The following SLC18A3 variants were observed in gnomAD, a reference collection of about 807,000 sequenced individuals.
The protein encoded by SLC18A3 is solute carrier family 18 member A3.
SLC18A3 carries 18 observed loss-of-function variants against 24.2 expected under a neutral mutation model. The observed-to-expected ratio is 0.74, with a 90% CI of 0.51 to 1.10. SLC18A3 has a LOEUF of 1.10. SLC18A3 is among the 50% of genes least tolerant of loss of function. The pLI, the probability that SLC18A3 is intolerant of heterozygous loss-of-function variation, is 0.00. For missense variants in SLC18A3, 744 were observed against 750.7 expected, an observed-to-expected ratio of 0.99 and a Z score of 0.10; for synonymous variants, 415 against 355.4, an observed-to-expected ratio of 1.17 and a Z score of -1.89.
rs755315988 is a variant in SLC18A3 at position 49,612,147 on chromosome 10, C to T, written c.1407C>T (p.Leu469=). ...TCTATGCTCCCGTCTTGCTGCTGCT[C>T]CGCAACGTGGGCCTCCTGACGCGCT... ...NLLYAPVLLL[L]RNVGLLTRSR... Residue 469 remains leucine, a synonymous_variant, in exon 1 of 1, where the codon CTC becomes CTT. Transcript: ENST00000374115. The T allele has an allele frequency of 6.2e-7, 1 of 1,611,730 alleles. No homozygotes were observed.
Position 49,610,427 on chromosome 10 carries a change from G to A in SLC18A3, c.-314G>A, listed in dbSNP as rs577399567. ...GCGGCCTCTTAGCGCGGCGGGGGCT[G>A]CTCTGGGCGCGCCCCGGGCGAAGTG... is the stretch of plus-strand genomic sequence containing the variant. On this transcript the variant is annotated 5_prime_UTR_variant, in exon 1 of 1. Coordinates refer to ENST00000374115, the MANE Select transcript of SLC18A3 (RefSeq NM_003055.3). 1,404 of 322,294 alleles carry A rather than the reference G, an allele frequency of 4.4e-3. 13 individuals carry two copies. Among genetic ancestry groups the A allele is most frequent in the African/African-American group, 0.027 (1,268 of 46,618 alleles). 20.0% of individuals were successfully genotyped at this position (322,294 alleles called of 1,614,324 possible).
chr10:49,610,611 A>G lies in SLC18A3; in HGVS notation c.-130A>G. 3 of 890,052 alleles carry G rather than the reference A, an allele frequency of 3.4e-6. No homozygotes were observed. The highest frequency in any genetic ancestry group is 4.8e-6 in the Non-Finnish European group (3 of 631,460). The allele number at this position is 890,052 out of a possible 1,614,324, so 55.1% of individuals were successfully genotyped here. ...ACGCTGGGCCATGAGCTCCGCGGCC[A>G]CCTGAGGCACAGGGGAGTCTGCTCG... On this transcript the variant is annotated 5_prime_UTR_variant, in exon 1 of 1. Coordinates refer to ENST00000374115, the MANE Select transcript of SLC18A3 (RefSeq NM_003055.3).
chr10:49,612,428 A>C lies in SLC18A3; in HGVS notation c.*89A>C, dbSNP rs936164912. The C allele has an allele frequency of 1.3e-5, 17 of 1,323,936 alleles. No homozygotes were observed. The highest frequency in any genetic ancestry group is 7.1e-5 in the East Asian group (3 of 42,242). 82.0% of individuals were successfully genotyped at this position (1,323,936 alleles called of 1,614,324 possible). The stretch of plus-strand genomic sequence containing the variant: ...ACTGGCCAGCTCTGGCTCAGGGCCC[A>C]CCTCCTCCAGCGAGTACCCCAGCCA... On this transcript the variant is annotated 3_prime_UTR_variant, in exon 1 of 1. Transcript: ENST00000374115.
Position 49,610,936 on chromosome 10 carries a change from G to A in SLC18A3, c.196G>A (p.Gly66Arg), listed in dbSNP as rs746944100. Residue 66 changes from glycine to arginine, a missense_variant, in exon 1 of 1, where the codon GGG becomes AGG. Around this residue, in one of 3 missense-constraint regions of SLC18A3, gnomAD observed 566 missense variants for 566.2 expected, o/e 1.00. Transcript: ENST00000374115. The stretch of plus-strand genomic sequence containing the variant: ...GCCCGACTACATCGCCCACATGCGC[G>A]GGGGCGGCGAGGGCCCCACCCGGAC... Reference protein sequence around the residue: ...IVPDYIAHMRGGGEGPTRTPE... With the variant: ...IVPDYIAHMRRGGEGPTRTPE... The A allele has an allele frequency of 1.1e-5, 17 of 1,610,418 alleles. No homozygotes were observed. Among genetic ancestry groups the A allele is most frequent in the East Asian group, 2.2e-5 (1 of 44,744 alleles).
rs1255465059 is a variant in SLC18A3, at chr10:49,610,581, C to T, written c.-160C>T. 2 of 633,306 alleles carry T rather than the reference C, an allele frequency of 3.2e-6. No individual in the cohort carries two copies. The highest frequency in any genetic ancestry group is 1.9e-5 in the African/African-American group (1 of 51,514). The allele number at this position is 633,306 out of a possible 1,614,324, so 39.2% of individuals were successfully genotyped here. A position where few individuals can be genotyped will look rare whatever the true frequency, so the allele number is the denominator to read the frequency against. ...TCGCCGGACGGAGTCCTTTCCTTTC[C>T]CGGGACGCTGGGCCATGAGCTCCGC... On this transcript the variant is annotated 5_prime_UTR_variant, in exon 1 of 1. Coordinates refer to ENST00000374115, the MANE Select transcript of SLC18A3 (RefSeq NM_003055.3).
rs1838328128 is a variant in SLC18A3 at position 49,612,461 on chromosome 10, A to G, written c.*122A>G. ...CAGCGAGTACCCCAGCCACTCCTCA[A>G]CCTTGACTTCTGCCCAAATCCCCTC... On this transcript the variant is annotated 3_prime_UTR_variant, in exon 1 of 1. Transcript: ENST00000374115. 4.1e-6 allele frequency: 4 copies of G among 964,718 alleles called. No homozygotes were observed. Among genetic ancestry groups the G allele is most frequent in the Non-Finnish European group, 6.2e-6 (4 of 640,422 alleles). 59.8% of individuals were successfully genotyped at this position (964,718 alleles called of 1,614,324 possible).
Position 49,611,001 on chromosome 10 carries a change from G to A in SLC18A3, c.261G>A (p.Pro87=), listed in dbSNP as rs773239597. The A allele has an allele frequency of 3.1e-6, 5 of 1,613,248 alleles. No homozygotes were observed. The highest frequency in any genetic ancestry group is 4.2e-6 in the Non-Finnish European group (5 of 1,179,594). ...VWEPTLPLPT[P]ANASAYTANT... The stretch of plus-strand genomic sequence containing the variant: ...AGCCCACCCTGCCGCTGCCCACTCC[G>A]GCCAATGCCAGCGCCTACACGGCCA... The change falls in exon 1 of 1, where the codon CCG becomes CCA. Residue 87 remains proline (P), a synonymous_variant. Coordinates refer to ENST00000374115, the MANE Select transcript of SLC18A3 (RefSeq NM_003055.3).
rs1207111091 is a variant in SLC18A3 at position 49,610,774 on chromosome 10, G to A, written c.34G>A (p.Ala12Thr). Residue 12 changes from alanine (A) to threonine (T), a missense_variant, in exon 1 of 1, where the codon GCG becomes ACG. Around this residue, in one of 3 missense-constraint regions of SLC18A3, gnomAD observed 566 missense variants for 566.2 expected, o/e 1.00. Transcript: ENST00000374115. ...ESAEPAGQAR[A>T]AATKLSEAVG... ...CGCGGAACCTGCGGGCCAGGCCCGG[G>A]CGGCGGCCACCAAGCTGTCGGAGGC... The A allele has an allele frequency of 1.5e-5, 24 of 1,562,014 alleles. No homozygotes were observed. The highest frequency in any genetic ancestry group is 1.9e-5 in the Non-Finnish European group (22 of 1,155,826).
In SLC18A3 at chr10:49,610,923, C is replaced by G. The variant is rs77672173; in HGVS notation, c.183C>G (p.Ile61Met). Residue 61 changes from isoleucine (I) to methionine (M), a missense_variant, in exon 1 of 1, where the codon ATC becomes ATG. Ile to Met is a conservative substitution (Grantham distance 10, BLOSUM62 1). Around this residue, in one of 3 missense-constraint regions of SLC18A3, gnomAD observed 566 missense variants for 566.2 expected, o/e 1.00. Coordinates refer to ENST00000374115, the MANE Select transcript of SLC18A3 (RefSeq NM_003055.3). ...TCGTGCCCATAGTGCCCGACTACATCGCCCACATGCGCGGGGGCGGCGAGG... is the reference window on the plus strand; with the variant it reads ...TCGTGCCCATAGTGCCCGACTACATGGCCCACATGCGCGGGGGCGGCGAGG... ...MVIVPIVPDY[I>M]AHMRGGGEGP... 2.5e-4 allele frequency: 405 copies of G among 1,611,124 alleles called. No individual in the cohort carries two copies. The highest frequency in any genetic ancestry group is 4.7e-4 in the Admixed American group (28 of 59,766).
In SLC18A3 at chr10:49,612,634, C is replaced by T. The variant is rs532052343; in HGVS notation, c.*295C>T. 13 of 392,090 alleles carry T rather than the reference C, an allele frequency of 3.3e-5. No individual in the cohort carries two copies. Among genetic ancestry groups the T allele is most frequent in the Non-Finnish European group, 5.2e-5 (11 of 211,584 alleles). 24.3% of individuals were successfully genotyped at this position (392,090 alleles called of 1,614,324 possible). On this transcript the variant is annotated 3_prime_UTR_variant, in exon 1 of 1. Coordinates refer to ENST00000374115, the MANE Select transcript of SLC18A3 (RefSeq NM_003055.3). ...CTGTGTAGAGCCTGCATCTGTCTGT[C>T]CTTCCTTCCATTGCTCCCAGTGCCA...
In SLC18A3 at chr10:49,611,729, C is replaced by A; in HGVS notation, c.989C>A (p.Ala330Asp). Residue 330 changes from alanine to aspartate, a missense_variant, in exon 1 of 1, where the codon GCC becomes GAC. Transcript: ENST00000374115. The part of the protein sequence containing the change: ...MAASEWEMGM[A>D]WLPAFVPHVL... ...GCTTCCGAGTGGGAGATGGGCATGG[C>A]CTGGCTGCCGGCCTTCGTGCCTCAT... 1 of 1,606,082 alleles carries A rather than the reference C, an allele frequency of 6.2e-7. No individual in the cohort carries two copies. The highest frequency in any genetic ancestry group is 8.5e-7 in the Non-Finnish European group (1 of 1,179,940).
rs1838332000 is a variant in SLC18A3, at chr10:49,612,612, T to C, written c.*273T>C. ...TGAGTCCCCACCTGCGGCTCCCCTG[T>C]GTAGAGCCTGCATCTGTCTGTCCTT... On this transcript the variant is annotated 3_prime_UTR_variant, in exon 1 of 1. Coordinates refer to ENST00000374115, the MANE Select transcript of SLC18A3 (RefSeq NM_003055.3). The C allele has an allele frequency of 4.4e-6, 2 of 455,922 alleles. No homozygotes were observed. The highest frequency in any genetic ancestry group is 1.1e-4 in the South Asian group (2 of 17,718). 28.2% of individuals were successfully genotyped at this position (455,922 alleles called of 1,614,324 possible).
At position 49,610,808 on chromosome 10, in the gene SLC18A3, C is replaced by G; in HGVS notation, c.68C>G (p.Ala23Gly). The G allele has an allele frequency of 6.3e-7, 1 of 1,595,442 alleles. No homozygotes were observed. The highest frequency in any genetic ancestry group is 8.5e-7 in the Non-Finnish European group (1 of 1,171,582). Residue 23 changes from alanine to glycine, a missense_variant, in exon 1 of 1, where the codon GCG (alanine) becomes GGG (glycine). By Grantham distance (60) the Ala-to-Gly change is moderately conservative (BLOSUM62 0). Transcript: ENST00000374115. ...ACCAAGCTGTCGGAGGCTGTGGGCGCGGCGCTGCAGGAGCCCCGGCGGCAG... is the reference window on the plus strand; with the variant it reads ...ACCAAGCTGTCGGAGGCTGTGGGCGGGGCGCTGCAGGAGCCCCGGCGGCAG... ...AATKLSEAVG[A>G]ALQEPRRQRR...
Position 49,612,345 on chromosome 10 carries a change from C to G in SLC18A3, c.*6C>G. On this transcript the variant is annotated 3_prime_UTR_variant, in exon 1 of 1. Coordinates refer to ENST00000374115, the MANE Select transcript of SLC18A3 (RefSeq NM_003055.3). ...ACTACTACACCCGCAGCTAGCATCCCCACTCCTCCTCCAGCCCACCCAACC... is the reference window on the plus strand; with the variant it reads ...ACTACTACACCCGCAGCTAGCATCCGCACTCCTCCTCCAGCCCACCCAACC... 1 of 1,576,270 alleles carries G rather than the reference C, an allele frequency of 6.3e-7. No homozygotes were observed. The highest frequency in any genetic ancestry group is 2.3e-5 in the East Asian group (1 of 44,278).
Position 49,612,075 on chromosome 10 carries a change from G to T in SLC18A3, c.1335G>T (p.Ser445=), listed in dbSNP as rs1407122175. 1.9e-6 allele frequency: 3 copies of T among 1,613,506 alleles called. No individual in the cohort carries two copies. Among genetic ancestry groups the T allele is most frequent in the South Asian group, 1.1e-5 (1 of 91,078 alleles). The change falls in exon 1 of 1, where the codon TCG becomes TCT. Residue 445 remains serine, a synonymous_variant. Coordinates refer to ENST00000374115, the MANE Select transcript of SLC18A3 (RefSeq NM_003055.3). ...GPIVAGHIVH[S]LGFEQLSLGM... is the part of the protein sequence containing the mutation. ...TAGTGGCAGGCCACATTGTGCACTC[G>T]CTGGGCTTTGAGCAGCTCAGCCTTG... is the stretch of plus-strand genomic sequence containing the variant.
In SLC18A3 at chr10:49,610,998, T is replaced by G; in HGVS notation, c.258T>G (p.Thr86=). The G allele has an allele frequency of 6.2e-7, 1 of 1,613,116 alleles. No individual in the cohort carries two copies. Among genetic ancestry groups the G allele is most frequent in the East Asian group, 2.2e-5 (1 of 44,850 alleles). ...GGGAGCCCACCCTGCCGCTGCCCAC[T>G]CCGGCCAATGCCAGCGCCTACACGG... ...EVWEPTLPLP[T]PANASAYTAN... is the part of the protein sequence containing the mutation. Residue 86 remains threonine, a synonymous_variant, in exon 1 of 1, where the codon ACT becomes ACG. Transcript: ENST00000374115.
chr10:49,612,718 G>C lies in SLC18A3; in HGVS notation c.*379G>C, dbSNP rs1294637294. The C allele has an allele frequency of 4.5e-6, 1 of 224,380 alleles. No individual in the cohort carries two copies. Among genetic ancestry groups the C allele is most frequent in the Non-Finnish European group, 9.0e-6 (1 of 111,370 alleles). The allele number at this position is 224,380 out of a possible 1,614,324, so 13.9% of individuals were successfully genotyped here. A position where few individuals can be genotyped will look rare whatever the true frequency, so the allele number is the denominator to read the frequency against. ...AAATCAATAAACTGTGTCTGTCCCAGGAGGCCGAGTCTCTTTACTGGTGGG... is the reference window on the plus strand; with the variant it reads ...AAATCAATAAACTGTGTCTGTCCCACGAGGCCGAGTCTCTTTACTGGTGGG... On this transcript the variant is annotated 3_prime_UTR_variant, in exon 1 of 1. Transcript: ENST00000374115.
In SLC18A3 at chr10:49,610,674, C is replaced by T. The variant is rs1838264545; in HGVS notation, c.-67C>T. On this transcript the variant is annotated 5_prime_UTR_variant, in exon 1 of 1. Transcript: ENST00000374115. ...TCCCCGAAGTCCCGTGCCCTCGCCT[C>T]TGCACTGCGGGACGCCAGCGCTCGG... 2 of 1,429,448 alleles carry T rather than the reference C, an allele frequency of 1.4e-6. No individual in the cohort carries two copies. Among genetic ancestry groups the T allele is most frequent in the African/African-American group, 2.9e-5 (2 of 68,718 alleles). 88.5% of individuals were successfully genotyped at this position (1,429,448 alleles called of 1,614,324 possible). A position where few individuals can be genotyped will look rare whatever the true frequency, so the allele number is the denominator to read the frequency against.
Position 49,612,510 on chromosome 10 carries a change from T to C in SLC18A3, c.*171T>C. On this transcript the variant is annotated 3_prime_UTR_variant, in exon 1 of 1. Coordinates refer to ENST00000374115, the MANE Select transcript of SLC18A3 (RefSeq NM_003055.3). The stretch of plus-strand genomic sequence containing the variant: ...TCCCTGTGACCCGTTCCATATCCCT[T>C]TCTCTCTTGTCCAATGGGGCTTGGA... The C allele has an allele frequency of 1.5e-6, 1 of 659,058 alleles. No individual in the cohort carries two copies. The highest frequency in any genetic ancestry group is 2.6e-6 in the Non-Finnish European group (1 of 387,310). The allele number at this position is 659,058 out of a possible 1,614,324, so 40.8% of individuals were successfully genotyped here. A position where few individuals can be genotyped will look rare whatever the true frequency, so the allele number is the denominator to read the frequency against.
Sources: allele counts gnomAD v4.1 joint callset, GRCh38; gene constraint gnomAD v4.1.1; regional missense constraint gnomAD v4.1.1; transcripts MANE v1.5; gene names NCBI Gene and HGNC (gene_info 2026-07-23, HGNC 2026-07-21).